NECAB1: variants seen among roughly 807,000 people sequenced by gnomAD.
NECAB1 encodes the protein N-terminal EF-hand calcium-binding protein 1.
In NECAB1, 29 loss-of-function variants were observed where a neutral mutation model predicts 57.5. The ratio of observed to expected loss-of-function variants is 0.50; its 90% confidence interval spans 0.38 to 0.69. NECAB1 has a LOEUF of 0.69. NECAB1 is among the 30% of genes least tolerant of loss of function. The pLI is 0.00. For synonymous variants in NECAB1, 142 were observed against 147.7 expected (o/e 0.96, Z 0.28); for missense variants, 372 against 413.8 (o/e 0.90, Z 0.88).
At chr8:90,926,636 G>C (rs1018543985) in intron 7 of NECAB1, among the ~76,000 whole-genome samples, 1 of 152,182 alleles carries the variant, frequency 6.6e-6, no homozygotes, top group African/African-American at 2.4e-5. Context: ...TATGTAGGTT[G>C]AGTTTGGCCC....
intron 10 of NECAB1, 122 bp from the exon 11 acceptor site, chr8:90,949,685 C>T (rs562735068): frequency 2.1e-6 from 1 of 465,758 alleles, no homozygotes; most frequent in Non-Finnish European, 3.8e-6. Flanking sequence ...TTCATGCAGG[C>T]ACCTTAGATT....
intron 3 of NECAB1, among the ~76,000 whole-genome samples, chr8:90,836,550 A>G (rs1812372943): frequency 6.6e-6 from 1 of 152,228 alleles, no homozygotes; most frequent in Non-Finnish European, 1.5e-5. Context: ...TATCATTTAC[A>G]TAACTAACTT....
intron 6 of NECAB1, 124 bp from the exon 7 acceptor site, chr8:90,925,411 A>G: frequency 1.9e-6 from 2 of 1,049,264 alleles, no homozygotes; most frequent in East Asian, 5.3e-5. Flanking sequence ...ACAAGCAGTC[A>G]TTCTCATAAG....
At chr8:90,902,119 G>A (rs1809517432) in intron 5 of NECAB1, among the ~76,000 whole-genome samples, 1 of 152,052 alleles carries the variant, frequency 6.6e-6, no homozygotes, top group African/African-American at 2.4e-5. Flanking sequence ...AGATTGTTCT[G>A]TTATGAAACA....
chr8:90,941,156 T>C (rs1002625742), intron 10 of NECAB1, among the ~76,000 whole-genome samples: 32 of 152,168 alleles, frequency 2.1e-4, no homozygotes, highest in Non-Finnish European at 2.2e-4. Flanking sequence ...TAAAATGAAA[T>C]AGAACAACTT....
intron 3 of NECAB1, among the ~76,000 whole-genome samples, chr8:90,851,170 C>T (rs1377154266): frequency 6.6e-6 from 1 of 152,218 alleles, no homozygotes; most frequent in South Asian, 2.1e-4. Flanking sequence ...GGCATGGAAG[C>T]TCCATGCACC....
rs183221138 is a variant in NECAB1, at chr8:90,947,431, C to T, written c.861-2376C>T. 6.7e-4 allele frequency among the ~76,000 whole-genome samples: 98 copies of T among 145,626 alleles called. 3 individuals carry two copies. Among genetic ancestry groups the T allele is most frequent in the Admixed American group, 2.9e-3 (41 of 14,306 alleles). On this transcript the variant is annotated intron_variant, in intron 10 of 12. Transcript: ENST00000417640. ...CTTTTTTTTTTTTCAGAAAGAATCT[C>T]GCTCTGTTGCCCAGGCTGGAGTGCA...
chr8:90,951,714 A>G (rs1180438014), intron 12 of NECAB1, among the ~76,000 whole-genome samples: 2 of 152,062 alleles, frequency 1.3e-5, no homozygotes. Context: ...CTACCCATAA[A>G]GTGCTTTCTG....
intron 1 of NECAB1, among the ~76,000 whole-genome samples, chr8:90,792,853 T>C (rs1811598493): frequency 6.6e-6 from 1 of 152,214 alleles, no homozygotes. Context: ...CTATCTCTTC[T>C]CTCTGCTTTG....
At chr8:90,868,286 G>A (rs1448441066) in intron 3 of NECAB1, among the ~76,000 whole-genome samples, 7 of 152,094 alleles carry the variant, frequency 4.6e-5, no homozygotes, top group Non-Finnish European at 8.8e-5. Flanking sequence ...ACTGAAAATT[G>A]GTAATAGAGA....
intron 3 of NECAB1, among the ~76,000 whole-genome samples, chr8:90,842,497 G>C (rs998895083): frequency 6.6e-6 from 1 of 152,148 alleles, no homozygotes; most frequent in African/African-American, 2.4e-5. Context: ...GGCTTTCAAG[G>C]ACCTGGCTGT....
At chr8:90,912,167 T>C (rs1156526673) in intron 5 of NECAB1, among the ~76,000 whole-genome samples, 1 of 152,128 alleles carries the variant, frequency 6.6e-6, no homozygotes, top group Non-Finnish European at 1.5e-5. Context: ...CCCATCCTCA[T>C]ACCCATGTGC....
At chr8:90,936,540 C>T (rs1456091845) in intron 9 of NECAB1, among the ~76,000 whole-genome samples, 3 of 152,162 alleles carry the variant, frequency 2.0e-5, no homozygotes, top group Admixed American at 1.3e-4. Context: ...GACCTATGCT[C>T]ATCACCATGC....
chr8:90,794,806 A>G (rs1811633870), intron 1 of NECAB1, among the ~76,000 whole-genome samples: 1 of 152,244 alleles, frequency 6.6e-6, no homozygotes, highest in African/African-American at 2.4e-5. Context: ...AGTGTATTAA[A>G]TAACAGTAAC....
In NECAB1 at chr8:90,956,941, CACGTGTGTGTGT is replaced by C. The variant is rs1811042968; in HGVS notation, c.*1430_*1441del. 1 of 127,414 alleles carries C rather than the reference CACGTGTGTGTGT, an allele frequency of 7.8e-6. No individual in the cohort carries two copies. The highest frequency in any genetic ancestry group is 3.4e-5 in the African/African-American group (1 of 29,134). The allele number at this position is 127,414 out of a possible 1,614,324, so 7.9% of individuals were successfully genotyped here. ...TAAATTTTGATATATTGTACATACACACGTGTGTGTGTGTGTGTGTGTGTGTGTGTGTGTGTG... is the reference window on the plus strand; with the variant it reads ...TAAATTTTGATATATTGTACATACACGTGTGTGTGTGTGTGTGTGTGTGTG... On this transcript the variant is annotated 3_prime_UTR_variant, in exon 13 of 13. Transcript: ENST00000417640.
intron 6 of NECAB1, among the ~76,000 whole-genome samples, chr8:90,922,469 A>T (rs1256335924): frequency 8.4e-6 from 1 of 119,346 alleles, no homozygotes; most frequent in Non-Finnish European, 1.8e-5. Context: ...TGACCACCAA[A>T]GCTGCCAAAA....
At chr8:90,813,230 T>TACACAC (rs760365199) in intron 2 of NECAB1, 47 of 138,636 alleles carry the variant, frequency 3.4e-4, no homozygotes, top group African/African-American at 1.2e-3. Context: ...TATATATGTA[T>TACACAC]ATATACACAC....
intron 8 of NECAB1, among the ~76,000 whole-genome samples, chr8:90,928,542 G>A (rs969274440): frequency 1.3e-5 from 2 of 152,170 alleles, no homozygotes; most frequent in South Asian, 4.1e-4. Context: ...ATGTGGAGTT[G>A]AGAGTTAAAT....
intron 5 of NECAB1, among the ~76,000 whole-genome samples, chr8:90,906,883 A>ATATGTATATATATATATATATATATATG: frequency 1.2e-5 from 1 of 80,770 alleles, no homozygotes; most frequent in East Asian, 6.4e-4. Flanking sequence ...ACACATATAT[A>ATATGTATATATATATATATATATATATG]TATATATATA....
Sources: gnomAD v4.1 joint callset for allele counts (sites outside exome capture counted in the v4.1 genomes callset) on GRCh38, gnomAD v4.1.1 for gene constraint, MANE v1.5 for transcripts, NCBI Gene and HGNC (gene_info 2026-07-23, HGNC 2026-07-21) for gene names.